Variants in AKT3 observed in about 807,000 individuals in gnomAD.
AKT3 encodes the protein AKT serine/threonine kinase 3, also known as RAC-gamma serine/threonine-protein kinase.
A neutral mutation model predicts 65.3 loss-of-function variants in AKT3; 15 were observed. The observed-to-expected ratio is 0.23, with a 90% CI of 0.15 to 0.35. The LOEUF is 0.35. AKT3 is among the 10% of genes least tolerant of loss of function. The pLI is 1.00. For missense variants in AKT3, 243 were observed against 576.5 expected (o/e 0.42, Z 5.92); for synonymous variants, 206 against 183.8 (o/e 1.12, Z -0.98).
intron 12 of AKT3, among the ~76,000 whole-genome samples, chr1:243,544,446 A>G (rs1672523172): frequency 6.6e-6 from 1 of 151,726 alleles, no homozygotes; most frequent in Admixed American, 6.6e-5. Context: ...AACATGGCAA[A>G]ACCTACAAAA....
At chr1:243,595,403 T>C (rs1676532709) in intron 8 of AKT3, among the ~76,000 whole-genome samples, 1 of 152,240 alleles carries the variant, frequency 6.6e-6, no homozygotes, top group South Asian at 2.1e-4. Flanking sequence ...CTGTAGACTA[T>C]GAACACTGTA....
chr1:243,613,707 A>G lies in AKT3; in HGVS notation c.660T>C (p.Arg220=). ...SLKYSFQTKD[R]LCFVMEYVNG... is the part of the protein sequence containing the mutation. ...TAACATATTCCATCACAAAACACAA[A>G]CGGTCTTTTGTCTGGAAGGAATATT... is the stretch of plus-strand genomic sequence containing the variant. Residue 220 remains arginine, a synonymous_variant, in exon 8 of 14, where the codon CGT becomes CGC. Coordinates refer to ENST00000673466, the MANE Select transcript of AKT3 (RefSeq NM_005465.7). 6.3e-7 allele frequency: 1 copy of G among 1,592,028 alleles called. No homozygotes were observed. Among genetic ancestry groups the G allele is most frequent in the South Asian group, 1.2e-5 (1 of 86,640 alleles).
chr1:243,572,893 A>G (rs1306749520), intron 9 of AKT3, 33 bp downstream of exon 9: 1 of 1,585,660 alleles, frequency 6.3e-7, no homozygotes, highest in Non-Finnish European at 8.5e-7. Flanking sequence ...TCTCTGCAAA[A>G]ACAAATTTTG....
intron 2 of AKT3, among the ~76,000 whole-genome samples, chr1:243,712,000 C>T (rs913183603): frequency 2.6e-5 from 4 of 152,158 alleles, no homozygotes; most frequent in African/African-American, 9.7e-5. Flanking sequence ...TATAAGCTTG[C>T]TTTTCCCAGT....
At chr1:243,850,306 G>GCGA (rs1436995672), upstream of AKT3, among the ~76,000 whole-genome samples, 3 of 148,882 alleles carry the variant, frequency 2.0e-5, no homozygotes, top group African/African-American at 7.4e-5. Flanking sequence ...GGCGGCGGCG[G>GCGA]CGGCGGCGGC....
chr1:243,718,578 G>A (rs1686667571), intron 2 of AKT3, among the ~76,000 whole-genome samples: 1 of 151,700 alleles, frequency 6.6e-6, no homozygotes. Context: ...GCCTCCCGAG[G>A]CTGCTACCCT....
intron 8 of AKT3, among the ~76,000 whole-genome samples, chr1:243,587,533 C>A (rs1277580228): frequency 2.0e-5 from 3 of 152,102 alleles, no homozygotes; most frequent in African/African-American, 7.2e-5. Flanking sequence ...ATTGGTTGAA[C>A]CCGGGAGGTG....
chr1:243,667,157 T>C (rs1490250264), intron 3 of AKT3, among the ~76,000 whole-genome samples: 1 of 152,194 alleles, frequency 6.6e-6, no homozygotes, highest in Non-Finnish European at 1.5e-5. Context: ...CTACTGTAAG[T>C]GGGAGACCAT....
At chr1:243,850,982 G>A (rs1695763893), upstream of AKT3, 1 of 152,136 alleles carries the variant, frequency 6.6e-6, no homozygotes, top group East Asian at 1.9e-4. Flanking sequence ...GCGCCGCCAG[G>A]CCCCGGGCGT....
chr1:243,815,130 C>T (rs550846190), intron 2 of AKT3, among the ~76,000 whole-genome samples: 40 of 152,224 alleles, frequency 2.6e-4, no homozygotes, highest in African/African-American at 8.2e-4. Flanking sequence ...AATGATCATA[C>T]GAAGAGGCTG....
rs910947721 is a variant in AKT3, at chr1:243,504,745, G to C, written c.*504C>G. ...ATATGCCTACTTCACGCACGGATCT[G>C]ATGTGCTTTACATATGCACGCCACC... On this transcript the variant is annotated 3_prime_UTR_variant, in exon 14 of 14. Transcript: ENST00000673466. 2.1e-5 allele frequency: 4 copies of C among 189,506 alleles called. No individual in the cohort carries two copies. Among genetic ancestry groups the C allele is most frequent in the African/African-American group, 9.4e-5 (4 of 42,728 alleles). 11.7% of individuals were successfully genotyped at this position (189,506 alleles called of 1,614,324 possible). A position where few individuals can be genotyped will look rare whatever the true frequency, so the allele number is the denominator to read the frequency against.
intron 2 of AKT3, among the ~76,000 whole-genome samples, chr1:243,706,783 G>A (rs1000388109): frequency 2.0e-5 from 3 of 152,188 alleles, no homozygotes; most frequent in African/African-American, 7.2e-5. Flanking sequence ...TTCACTTACA[G>A]AGCCCTCTTC....
intron 9 of AKT3, among the ~76,000 whole-genome samples, chr1:243,565,657 C>CA (rs1674103221): frequency 6.6e-6 from 1 of 152,252 alleles, no homozygotes; most frequent in East Asian, 1.9e-4. Context: ...CAATCAGAAA[C>CA]ATCAAGAGTC....
chr1:243,518,873 A>G (rs1190337551), intron 12 of AKT3, among the ~76,000 whole-genome samples: 1 of 152,358 alleles, frequency 6.6e-6, no homozygotes, highest in South Asian at 2.1e-4. Context: ...AGGGACTAAG[A>G]AGGATAAGAC....
At position 243,499,847 on chromosome 1, in the gene AKT3, G is replaced by GACTT. The variant is rs1253184007; in HGVS notation, c.*5398_*5401dup. ...GAGATATTTACATTCATCTGGTTTA[G>GACTT]ACTTAATATGCCACAACGCACCACG... On this transcript the variant is annotated 3_prime_UTR_variant, in exon 14 of 14. Transcript: ENST00000673466. 13 of 1,511,808 alleles carry GACTT rather than the reference G, an allele frequency of 8.6e-6. No homozygotes were observed. In the East Asian group the frequency reaches 1.1e-4, roughly 13 times the overall value. The allele number at this position is 1,511,808 out of a possible 1,614,324, so 93.6% of individuals were successfully genotyped here.
chr1:243,728,984 G>A (rs1687382975), intron 2 of AKT3, among the ~76,000 whole-genome samples: 1 of 152,168 alleles, frequency 6.6e-6, no homozygotes, highest in Non-Finnish European at 1.5e-5. Flanking sequence ...AGAAACCAAG[G>A]TTGGGTTTCA....
At chr1:243,715,445 G>A (rs1686446212) in intron 2 of AKT3, among the ~76,000 whole-genome samples, 1 of 151,996 alleles carries the variant, frequency 6.6e-6, no homozygotes, top group African/African-American at 2.4e-5. Flanking sequence ...TCATTATACT[G>A]GGCCGACTTT....
At chr1:243,741,068 C>G (rs1251412721) in intron 2 of AKT3, among the ~76,000 whole-genome samples, 1 of 152,148 alleles carries the variant, frequency 6.6e-6, no homozygotes, top group Non-Finnish European at 1.5e-5. Context: ...AAATTTATAT[C>G]ATTAATGTTA....
intron 2 of AKT3, among the ~76,000 whole-genome samples, chr1:243,720,186 C>T (rs1686789330): frequency 6.6e-6 from 1 of 152,014 alleles, no homozygotes; most frequent in Admixed American, 6.6e-5. Context: ...GTAATCCCAG[C>T]AACTCGGGAG....
Sources: allele counts gnomAD v4.1 joint callset (sites outside exome capture counted in the v4.1 genomes callset), GRCh38; gene constraint gnomAD v4.1.1; transcripts MANE v1.5; gene names NCBI Gene and HGNC (gene_info 2026-07-23, HGNC 2026-07-21).